PTPRM: variants seen among roughly 807,000 people sequenced by gnomAD.
The protein encoded by PTPRM is protein tyrosine phosphatase receptor type M.
Under a neutral mutation model 186.7 loss-of-function variants are expected in PTPRM, and 47 were observed. That is an observed-to-expected ratio of 0.25 (90% CI 0.20 to 0.32). PTPRM has a LOEUF of 0.32. PTPRM is among the 10% of genes least tolerant of loss of function. The pLI, the probability that PTPRM is intolerant of heterozygous loss-of-function variation, is 1.00. For synonymous variants in PTPRM, 668 were observed against 674.9 expected, an observed-to-expected ratio of 0.99 and a Z score of 0.16; for missense variants, 1,494 against 1,865.0, an observed-to-expected ratio of 0.80 and a Z score of 3.66.
At chr18:7,733,768 G>T (rs2040710095) in intron 1 of PTPRM, among the ~76,000 whole-genome samples, 1 of 152,154 alleles carries the variant, frequency 6.6e-6, no homozygotes. Flanking sequence ...GAGTTGAAGA[G>T]GCCAGGCTCC....
intron 7 of PTPRM, among the ~76,000 whole-genome samples, chr18:7,975,592 T>G (rs2054877117): frequency 6.6e-6 from 1 of 152,190 alleles, no homozygotes; most frequent in Non-Finnish European, 1.5e-5. Flanking sequence ...TGGTAGTCCT[T>G]TAAGATTATA....
At chr18:8,131,642 G>C (rs560411233) in intron 13 of PTPRM, among the ~76,000 whole-genome samples, 1 of 152,304 alleles carries the variant, frequency 6.6e-6, no homozygotes, top group South Asian at 2.1e-4. Context: ...AAGAGAGCAT[G>C]AGGGGATGCA....
At chr18:7,572,727 A>C (rs543205) in intron 1 of PTPRM, among the ~76,000 whole-genome samples, 1,859 of 152,206 alleles carry the variant, frequency 0.012, 43 homozygotes, top group African/African-American at 0.042. Context: ...CTCTTTGAAA[A>C]CCAACTTTCC....
chr18:8,343,106 CTT>C (rs1320611185), intron 22 of PTPRM, among the ~76,000 whole-genome samples: 1 of 147,004 alleles, frequency 6.8e-6, no homozygotes, highest in South Asian at 2.2e-4. Flanking sequence ...AAATTTCACT[CTT>C]GAGTACTATG....
intron 6 of PTPRM, among the ~76,000 whole-genome samples, chr18:7,953,965 C>T (rs561808646): frequency 1.3e-5 from 2 of 152,096 alleles, no homozygotes; most frequent in African/African-American, 4.8e-5. Flanking sequence ...AGGCACAAAC[C>T]ACCCATAGAT....
chr18:7,581,745 T>C (rs533644564), intron 1 of PTPRM, among the ~76,000 whole-genome samples: 2 of 151,146 alleles, frequency 1.3e-5, no homozygotes, highest in Admixed American at 6.6e-5. Context: ...AGCCTTGACA[T>C]CTCAGGCTCA....
At chr18:8,071,836 C>T (rs1196159013) in intron 8 of PTPRM, among the ~76,000 whole-genome samples, 2 of 152,296 alleles carry the variant, frequency 1.3e-5, no homozygotes, top group African/African-American at 4.8e-5. Flanking sequence ...TATTCACATC[C>T]CTCTGACCTT....
At chr18:7,699,129 G>A (rs1004161921) in intron 1 of PTPRM, among the ~76,000 whole-genome samples, 5 of 152,084 alleles carry the variant, frequency 3.3e-5, no homozygotes, top group Non-Finnish European at 5.9e-5. Flanking sequence ...CGCATATGAG[G>A]GATCTAAGTT....
At chr18:8,153,385 C>T (rs1207521228) in intron 14 of PTPRM, among the ~76,000 whole-genome samples, 2 of 152,110 alleles carry the variant, frequency 1.3e-5, no homozygotes, top group Non-Finnish European at 2.9e-5. Flanking sequence ...ATAAATTATG[C>T]ATTGAAGAGA....
chr18:7,915,645 G>T (rs1019589315), intron 4 of PTPRM, among the ~76,000 whole-genome samples: 1 of 152,030 alleles, frequency 6.6e-6, no homozygotes, highest in Non-Finnish European at 1.5e-5. Context: ...TGCGAAATAG[G>T]TACTTTTAAA....
chr18:8,244,066 C>G lies in PTPRM; in HGVS notation c.2309C>G (p.Ala770Gly). Residue 770 changes from alanine (A) to glycine (G), a missense_variant, in exon 15 of 33, where the codon GCC becomes GGC. Physicochemically the swap from Ala to Gly is moderately conservative, Grantham distance 60 (BLOSUM62 0). Transcript: ENST00000580170. Reference protein sequence around the residue: ...VVLVMKKRKLAKKRKETMSST... With the variant: ...VVLVMKKRKLGKKRKETMSST... ...GAATTCTTTATCCTAAGGAAACTGG[C>G]CAAGAAGCGGAAAGAGACCATGAGC... is the stretch of plus-strand genomic sequence containing the variant. The G allele has an allele frequency of 6.2e-7, 1 of 1,607,888 alleles. No homozygotes were observed. Among genetic ancestry groups the G allele is most frequent in the Non-Finnish European group, 8.5e-7 (1 of 1,178,124 alleles).
intron 7 of PTPRM, among the ~76,000 whole-genome samples, chr18:8,067,775 T>C (rs928832826): frequency 3.3e-5 from 5 of 152,198 alleles, no homozygotes; most frequent in African/African-American, 9.7e-5. Context: ...CACCCTGAAA[T>C]GCAGGCCAGG....
chr18:7,677,716 G>A (rs563362962), intron 1 of PTPRM, among the ~76,000 whole-genome samples: 69 of 152,126 alleles, frequency 4.5e-4, no homozygotes, highest in South Asian at 1.5e-3. Context: ...TCTGGAGCCC[G>A]TTCCTGCTAT....
intron 1 of PTPRM, among the ~76,000 whole-genome samples, chr18:7,605,976 G>A (rs765199579): frequency 1.3e-5 from 2 of 152,150 alleles, no homozygotes; most frequent in South Asian, 2.1e-4. Context: ...TGAGCAGGAT[G>A]TAGGAAGTCA....
At position 8,327,593 on chromosome 18, in the gene PTPRM, A is replaced by G. The variant is rs1214265525; in HGVS notation, c.2956+8379A>G. ...TGGGACTTACGATGTGCCACGCACC[A>G]CTTAGACAGTAGAATATCTCAGCCA... On this transcript the variant is annotated intron_variant, in intron 22 of 32. Transcript: ENST00000580170. Among the ~76,000 whole-genome samples, 5 of 152,346 alleles carry G rather than the reference A, an allele frequency of 3.3e-5. No homozygotes were observed. In the East Asian group the frequency reaches 9.6e-4, roughly 29 times the overall value.
chr18:7,864,411 A>T (rs1372939879), intron 2 of PTPRM, among the ~76,000 whole-genome samples: 9 of 152,252 alleles, frequency 5.9e-5, no homozygotes, highest in Non-Finnish European at 1.5e-5. Flanking sequence ...AGTTTTCTGC[A>T]TATGGCTGGC....
Position 7,958,927 on chromosome 18 carries a change from G to A in PTPRM, c.1132+3513G>A, listed in dbSNP as rs145893742. Among the ~76,000 whole-genome samples, 561 of 152,290 alleles carry A rather than the reference G, an allele frequency of 3.7e-3. 6 individuals carry two copies. The highest frequency in any genetic ancestry group is 0.013 in the African/African-American group (547 of 41,558). On this transcript the variant is annotated intron_variant, in intron 7 of 32. Coordinates refer to ENST00000580170, the MANE Select transcript of PTPRM (RefSeq NM_001105244.2). ...GTTCTTGAAATAATAGTGCTTTTGG[G>A]TGCTAGAGCCAGAGTCAGCGGTTGA...
intron 7 of PTPRM, among the ~76,000 whole-genome samples, chr18:8,028,823 A>G (rs1297048960): frequency 6.6e-6 from 1 of 152,226 alleles, no homozygotes; most frequent in Non-Finnish European, 1.5e-5. Context: ...GAAGTGCAAA[A>G]AAGATCATGA....
intron 2 of PTPRM, among the ~76,000 whole-genome samples, chr18:7,845,494 C>A (rs1457629991): frequency 3.3e-5 from 5 of 152,112 alleles, no homozygotes; most frequent in African/African-American, 1.2e-4. Flanking sequence ...CCGCAAAGTT[C>A]CTGCAGGATT....
Sources: gnomAD v4.1 joint callset for allele counts (sites outside exome capture counted in the v4.1 genomes callset) on GRCh38, gnomAD v4.1.1 for gene constraint, MANE v1.5 for transcripts, NCBI Gene and HGNC (gene_info 2026-07-23, HGNC 2026-07-21) for gene names.